NIPBL: variants seen among roughly 807,000 people sequenced by gnomAD.
NIPBL encodes NIPBL cohesin loading factor, also known as nipped-B-like protein.
In NIPBL, 19 loss-of-function variants were observed where a neutral mutation model predicts 321.8. The ratio of observed to expected loss-of-function variants is 0.06; its 90% CI spans 0.04 to 0.09. NIPBL has a LOEUF of 0.09. Among genes scored for constraint, NIPBL ranks in the 10% least tolerant of loss-of-function variants. NIPBL has a pLI of 1.00. For missense variants in NIPBL, 2,210 were observed against 3,327.0 expected, an observed-to-expected ratio of 0.66 and a Z score of 8.26; for synonymous variants, 1,106 against 1,114.1, an observed-to-expected ratio of 0.99 and a Z score of 0.14.
At chr5:36,878,908 C>T (rs1361114580) in intron 1 of NIPBL, among the ~76,000 whole-genome samples, 2 of 151,800 alleles carry the variant, frequency 1.3e-5, no homozygotes, top group Non-Finnish European at 2.9e-5. Context: ...ATCTCCCATT[C>T]CTGTCTTTGT....
In NIPBL at chr5:36,996,153, G is replaced by GA. The variant is rs1746123123; in HGVS notation, c.3304+352dup. Among the ~76,000 whole-genome samples, 1 of 152,052 alleles carries GA rather than the reference G, an allele frequency of 6.6e-6. No individual in the cohort carries two copies. The highest frequency in any genetic ancestry group is 2.4e-5 in the African/African-American group (1 of 41,400). ...TCAAAGAGCCTTCAGTCTAATGGGG[G>GA]AAATATGTAAATAAATAATTGCAGT... On this transcript the variant is annotated intron_variant, in intron 11 of 46. Coordinates refer to ENST00000282516, the MANE Select transcript of NIPBL (RefSeq NM_133433.4). The surrounding 1 kb of genome is among the most constrained non-coding windows in gnomAD (Gnocchi z 5.0).
intron 1 of NIPBL, among the ~76,000 whole-genome samples, chr5:36,945,582 G>A (rs1739578855): frequency 2.0e-5 from 3 of 152,118 alleles, no homozygotes; most frequent in Non-Finnish European, 4.4e-5. Flanking sequence ...GGTATCCAGC[G>A]GTGGCTGCAG....
intron 1 of NIPBL, among the ~76,000 whole-genome samples, chr5:36,939,259 T>C (rs1363679827): frequency 2.0e-5 from 3 of 152,206 alleles, no homozygotes; most frequent in African/African-American, 7.2e-5. Flanking sequence ...TGCCTCGGCC[T>C]CCTGAAGTTG....
chr5:36,877,144 G>A lies in NIPBL; in HGVS notation c.-114G>A. 3.2e-6 allele frequency: 1 copy of A among 310,462 alleles called. No homozygotes were observed. Among genetic ancestry groups the A allele is most frequent in the Non-Finnish European group, 5.8e-6 (1 of 171,786 alleles). The allele number at this position is 310,462 out of a possible 1,614,324, so 19.2% of individuals were successfully genotyped here. On this transcript the variant is annotated 5_prime_UTR_variant, in exon 1 of 47. Transcript: ENST00000282516. ...TATAGTCTCTCGCCACAGCGGCCTC[G>A]GCCTCCCCTTGGATTCAGACGCCGA...
intron 1 of NIPBL, among the ~76,000 whole-genome samples, chr5:36,902,880 T>C (rs899523847): frequency 1.4e-4 from 21 of 152,338 alleles, no homozygotes; most frequent in Admixed American, 7.8e-4. Flanking sequence ...TTAACAATAT[T>C]GATTCTTTCT....
At chr5:36,977,603 T>C (rs1281435622) in intron 9 of NIPBL, among the ~76,000 whole-genome samples, 1 of 139,722 alleles carries the variant, frequency 7.2e-6, no homozygotes, top group Non-Finnish European at 1.6e-5. Context: ...TTTCTTTGTC[T>C]TTTTTTTTTT....
At position 36,962,228 on chromosome 5, in the gene NIPBL, A is replaced by G. The variant is rs778285743; in HGVS notation, c.564A>G (p.Pro188=). Residue 188 remains proline (P), a synonymous_variant, in exon 6 of 47, where the codon CCA becomes CCG. Transcript: ENST00000282516. ...CACAAAGCCCTGCAGGATACATGCC[A>G]TATTCCCATCCTTCAAGTTACACAA... ...YAPQSPAGYM[P]YSHPSSYTTH... 3 of 1,614,150 alleles carry G rather than the reference A, an allele frequency of 1.9e-6. No individual in the cohort carries two copies. Among genetic ancestry groups the G allele is most frequent in the South Asian group, 1.1e-5 (1 of 91,088 alleles).
At chr5:36,995,465 G>T in intron 10 of NIPBL, 157 bp from the exon 11 acceptor site, 1 of 598,340 alleles carries the variant, frequency 1.7e-6, no homozygotes, top group Non-Finnish European at 2.9e-6. Flanking sequence ...TAACTATATT[G>T]TCACTTTAGG....
At chr5:36,956,331 T>C (rs1295471881) in intron 3 of NIPBL, among the ~76,000 whole-genome samples, 3 of 152,160 alleles carry the variant, frequency 2.0e-5, no homozygotes, top group African/African-American at 7.2e-5. Context: ...TCCCTTCATA[T>C]TCCACCACAC....
At chr5:36,966,020 C>T (rs1478143498) in intron 6 of NIPBL, among the ~76,000 whole-genome samples, 1 of 151,892 alleles carries the variant, frequency 6.6e-6, no homozygotes, top group Non-Finnish European at 1.5e-5. Context: ...GCCACTTTGT[C>T]CTTAAGTACA....
intron 19 of NIPBL, 81 bp from the exon 20 acceptor site, chr5:37,008,542 A>C: frequency 3.9e-6 from 3 of 775,746 alleles, no homozygotes; most frequent in Non-Finnish European, 4.6e-6. Flanking sequence ...AATGGCAGGT[A>C]ATTTTTTAAA....
chr5:37,040,860 G>A (rs936340249), intron 34 of NIPBL, among the ~76,000 whole-genome samples: 3 of 152,178 alleles, frequency 2.0e-5, no homozygotes, highest in Admixed American at 1.3e-4. Flanking sequence ...TTCTTTGCCA[G>A]TCTAACAGGT....
intron 34 of NIPBL, among the ~76,000 whole-genome samples, chr5:37,042,884 A>T (rs115792313): frequency 1.9e-3 from 278 of 147,028 alleles, no homozygotes; most frequent in African/African-American, 6.9e-3. Flanking sequence ...TGAAAGCCTT[A>T]CTACACACAC....
intron 31 of NIPBL, 75 bp from the exon 32 acceptor site, chr5:37,027,284 T>C (rs1750393248): frequency 8.6e-7 from 1 of 1,161,764 alleles, no homozygotes; most frequent in Admixed American, 1.7e-5. Flanking sequence ...TGTTTCAGGC[T>C]AAAGCATAAC....
intron 1 of NIPBL, among the ~76,000 whole-genome samples, chr5:36,931,756 T>G (rs1170080793): frequency 6.6e-6 from 1 of 151,346 alleles, no homozygotes; most frequent in Non-Finnish European, 1.5e-5. Flanking sequence ...TTTTAAGAAC[T>G]AATTTTTGAA....
rs1003495612 is a variant in NIPBL, at chr5:37,012,960, C to T, written c.4561-1723C>T. Among the ~76,000 whole-genome samples the T allele has an allele frequency of 4.6e-5, 7 of 152,314 alleles. No homozygotes were observed. In the South Asian group the frequency reaches 1.2e-3, roughly 27 times the overall value. On this transcript the variant is annotated intron_variant, in intron 21 of 46. Coordinates refer to ENST00000282516, the MANE Select transcript of NIPBL (RefSeq NM_133433.4). ...CAAAACCGCCATTGTCATCATGGCCCGTTCTCAATGAGCTGTTGGGTACAC... is the reference window on the plus strand; with the variant it reads ...CAAAACCGCCATTGTCATCATGGCCTGTTCTCAATGAGCTGTTGGGTACAC...
intron 1 of NIPBL, among the ~76,000 whole-genome samples, chr5:36,928,778 T>G (rs1749554944): frequency 1.3e-5 from 2 of 152,182 alleles, no homozygotes; most frequent in Admixed American, 1.3e-4. Flanking sequence ...ATATGTAGTA[T>G]TTTGCATCTG....
At chr5:36,964,338 G>C (rs925679742) in intron 6 of NIPBL, among the ~76,000 whole-genome samples, 1 of 152,022 alleles carries the variant, frequency 6.6e-6, no homozygotes, top group Non-Finnish European at 1.5e-5. Flanking sequence ...CACACTACCT[G>C]ACTTAAAAAT....
At chr5:36,957,711 A>G (rs1741123742) in intron 3 of NIPBL, among the ~76,000 whole-genome samples, 1 of 152,144 alleles carries the variant, frequency 6.6e-6, no homozygotes, top group African/African-American at 2.4e-5. Context: ...GGTCAGCCAC[A>G]GTGGCTCACA....
Sources: allele counts gnomAD v4.1 joint callset (sites outside exome capture counted in the v4.1 genomes callset), GRCh38; gene constraint gnomAD v4.1.1; non-coding constraint Gnocchi (gnomAD v3.1); transcripts MANE v1.5; gene names NCBI Gene and HGNC (gene_info 2026-07-23, HGNC 2026-07-21).